TMEM120B: variants seen among roughly 807,000 people sequenced by gnomAD.
The protein encoded by TMEM120B is transmembrane protein 120B.
In TMEM120B, 31 loss-of-function variants were observed where a neutral mutation model predicts 55.5. The observed-to-expected ratio is 0.56, with a 90% CI of 0.42 to 0.75. The LOEUF (loss-of-function observed/expected upper bound fraction) is 0.75. TMEM120B is among the 30% of genes least tolerant of loss of function. TMEM120B has a pLI of 0.00. For missense variants in TMEM120B, 399 were observed against 425.5 expected, an observed-to-expected ratio of 0.94 and a Z score of 0.55; for synonymous variants, 203 against 176.3, an observed-to-expected ratio of 1.15 and a Z score of -1.20.
chr12:121,731,032 A>T (rs1444480149), intron 1 of TMEM120B, among the ~76,000 whole-genome samples: 3 of 151,872 alleles, frequency 2.0e-5, no homozygotes, highest in Non-Finnish European at 4.4e-5. Context: ...AAATTCGTAG[A>T]GACAGAAGAC....
chr12:121,730,531 G>GC (rs1894979565), intron 1 of TMEM120B, among the ~76,000 whole-genome samples: 1 of 148,978 alleles, frequency 6.7e-6, no homozygotes, highest in African/African-American at 2.5e-5. Context: ...CATGCCTGTA[G>GC]CCCCAACTAC....
At chr12:121,755,908 G>A (rs1251784161) in intron 5 of TMEM120B, among the ~76,000 whole-genome samples, 1 of 152,154 alleles carries the variant, frequency 6.6e-6, no homozygotes, top group East Asian at 1.9e-4. Flanking sequence ...CCTTGCACCA[G>A]CAGAGTAGAT....
intron 1 of TMEM120B, 69 bp from the exon 2 acceptor site, chr12:121,743,560 A>G (rs1260165085): frequency 2.3e-6 from 3 of 1,301,714 alleles, no homozygotes; most frequent in Admixed American, 2.0e-5. Flanking sequence ...TCTCTCAAAA[A>G]AAAAAAGAAA....
At chr12:121,725,900 G>A (rs1012473412) in intron 1 of TMEM120B, among the ~76,000 whole-genome samples, 1 of 152,020 alleles carries the variant, frequency 6.6e-6, no homozygotes, top group Non-Finnish European at 1.5e-5. Context: ...AGCCGGGTGT[G>A]GTGATGCGTA....
At position 121,779,542 on chromosome 12, in the gene TMEM120B, T is replaced by C. The variant is rs758681788; in HGVS notation, c.*3820T>C. On this transcript the variant is annotated 3_prime_UTR_variant, in exon 12 of 12. Coordinates refer to ENST00000449592, the MANE Select transcript of TMEM120B (RefSeq NM_001080825.2). Reference sequence around the variant, plus strand: ...CGGCGCTTCTTCTGCCGTTGCGCCTTCTTCAGAGCGCTGAGAGCCACCTTG... The same window carrying C: ...CGGCGCTTCTTCTGCCGTTGCGCCTCCTTCAGAGCGCTGAGAGCCACCTTG... The C allele has an allele frequency of 3.1e-6, 5 of 1,613,230 alleles. No homozygotes were observed. The South Asian group carries it at 3.3e-5, about 11-fold the overall frequency.
chr12:121,774,921 G>T (rs1874185831), intron 10 of TMEM120B, 141 bp from the exon 11 acceptor site: 2 of 1,125,664 alleles, frequency 1.8e-6, no homozygotes, highest in Non-Finnish European at 1.3e-6. Flanking sequence ...TCGGGTGCCT[G>T]CATTTCATTT....
At chr12:121,751,642 T>TTCCCTCCC (rs1437837949) in intron 4 of TMEM120B, among the ~76,000 whole-genome samples, 1 of 151,138 alleles carries the variant, frequency 6.6e-6, no homozygotes, top group Non-Finnish European at 1.5e-5. Context: ...CTTCCCTTCC[T>TTCCCTCCC]TCCCTCCCTC....
Position 121,775,499 on chromosome 12 carries a change from C to G in TMEM120B, c.907-110C>G, listed in dbSNP as rs1378074467. The G allele has an allele frequency of 1.4e-6, 2 of 1,480,642 alleles. No homozygotes were observed. Among genetic ancestry groups the G allele is most frequent in the African/African-American group, 2.8e-5 (2 of 71,548 alleles). 91.7% of individuals were successfully genotyped at this position (1,480,642 alleles called of 1,614,324 possible). On this transcript the variant is annotated intron_variant, in intron 11 of 11. Coordinates refer to ENST00000449592, the MANE Select transcript of TMEM120B (RefSeq NM_001080825.2). This position sits in a 1 kb window ranked among gnomAD's most constrained non-coding sequence, Gnocchi z 4.3. ...AATCTCTGCCTTCGATGGCAAAACC[C>G]TGCAGTTTGGGAGTTTGGGGGCAGC...
At position 121,775,662 on chromosome 12, in the gene TMEM120B, C is replaced by T. The variant is rs745774130; in HGVS notation, c.960C>T (p.Thr320=). The change falls in exon 12 of 12, where the codon ACC becomes ACT. Residue 320 remains threonine (T), a synonymous_variant. Transcript: ENST00000449592. The surrounding 1 kb of genome is among the most constrained non-coding windows in gnomAD (Gnocchi z 4.3). ...FLILFLGNFL[T]TLKVVHAKLQ... is the part of the protein sequence containing the mutation. ...TCCTCTTCCTCGGCAACTTCCTGAC[C>T]ACGCTCAAAGTCGTGCATGCCAAGC... The T allele has an allele frequency of 6.2e-7, 1 of 1,614,060 alleles. No individual in the cohort carries two copies. The highest frequency in any genetic ancestry group is 8.5e-7 in the Non-Finnish European group (1 of 1,179,966).
chr12:121,750,537 TCCACAC>T (rs942514737), intron 4 of TMEM120B, 98 bp downstream of exon 4: 3 of 696,828 alleles, frequency 4.3e-6, no homozygotes, highest in East Asian at 3.9e-5. Flanking sequence ...ACACCCCACA[TCCACAC>T]CCACACCAAC....
intron 1 of TMEM120B, among the ~76,000 whole-genome samples, chr12:121,725,941 G>T (rs1344039855): frequency 6.6e-6 from 1 of 151,092 alleles, no homozygotes; most frequent in Non-Finnish European, 1.5e-5. Context: ...GGAGGCTGAG[G>T]CAGGAGAATG....
At chr12:121,766,286 C>T (rs570437241) in intron 6 of TMEM120B, among the ~76,000 whole-genome samples, 2 of 151,468 alleles carry the variant, frequency 1.3e-5, no homozygotes, top group Non-Finnish European at 2.9e-5. Flanking sequence ...CACTCATCAG[C>T]TCAGCATAAT....
chr12:121,758,641 G>A (rs1361874379), intron 5 of TMEM120B: 7 of 965,478 alleles, frequency 7.3e-6, no homozygotes, highest in East Asian at 1.2e-4. Flanking sequence ...GGAGGAGGAC[G>A]GCCCAGCCCC....
At position 121,743,672 on chromosome 12, in the gene TMEM120B, C is replaced by T. The variant is rs779950341; in HGVS notation, c.113C>T (p.Ala38Val). ...IYKQKLEELA[A>V]LQTLCSSSIS... ...AAGCAGAAGCTGGAGGAGCTGGCTG[C>T]GCTGCAGACGCTGTGTAGCAGTTCC... Residue 38 changes from alanine to valine, a missense_variant, in exon 2 of 12, where the codon GCG becomes GTG. By Grantham distance (64) the Ala-to-Val change is moderately conservative. Transcript: ENST00000449592. 2.0e-5 allele frequency: 32 copies of T among 1,613,530 alleles called. No homozygotes were observed. Among genetic ancestry groups the T allele is most frequent in the South Asian group, 2.0e-4 (18 of 91,060 alleles).
At chr12:121,766,018 C>G (rs1873836202) in intron 6 of TMEM120B, among the ~76,000 whole-genome samples, 1 of 152,142 alleles carries the variant, frequency 6.6e-6, no homozygotes, top group African/African-American at 2.4e-5. Flanking sequence ...CCGAAGTGAC[C>G]CAAACCCAAG....
At chr12:121,761,590 G>A (rs757915778) in intron 5 of TMEM120B, 59 bp from the exon 6 acceptor site, 32 of 1,315,098 alleles carry the variant, frequency 2.4e-5, no homozygotes, top group Non-Finnish European at 3.1e-5. Context: ...GGTGAGGGTG[G>A]GATGGCTGTG....
chr12:121,750,977 ACCCACAC>A (rs142874398), intron 4 of TMEM120B, among the ~76,000 whole-genome samples: 10 of 6,574 alleles, frequency 1.5e-3, no homozygotes, highest in African/African-American at 7.6e-3. Context: ...CACACCCCAC[ACCCACAC>A]CCCACACCCC....
At chr12:121,746,632 C>T (rs1024740305) in intron 2 of TMEM120B, among the ~76,000 whole-genome samples, 26 of 152,098 alleles carry the variant, frequency 1.7e-4, no homozygotes, top group African/African-American at 6.0e-4. Flanking sequence ...GGGACTATAA[C>T]ATCATGCCTG....
Position 121,748,443 on chromosome 12 carries a change from G to A in TMEM120B, c.305+1G>A. 2 of 1,602,940 alleles carry A rather than the reference G, an allele frequency of 1.2e-6. No homozygotes were observed. The highest frequency in any genetic ancestry group is 2.2e-5 in the East Asian group (1 of 44,604). ...AGGCCTACCTGCCCAAGAAGAACGG[G>A]TAGGAGCTGGCAACCTCCCCACCCC... On this transcript the variant is annotated splice_donor_variant, in intron 3 of 11. Transcript: ENST00000449592. LOFTEE classifies it high-confidence loss of function.
Sources: gnomAD v4.1 joint callset for allele counts (sites outside exome capture counted in the v4.1 genomes callset) on GRCh38, gnomAD v4.1.1 for gene constraint, Gnocchi (gnomAD v3.1) non-coding constraint, MANE v1.5 for transcripts, NCBI Gene and HGNC (gene_info 2026-07-23, HGNC 2026-07-21) for gene names.